CCNY: variants seen among roughly 807,000 people sequenced by gnomAD.
The protein encoded by CCNY is cyclin Y.
Under a neutral mutation model 42.8 loss-of-function variants are expected in CCNY, and 19 were observed. The ratio of observed to expected loss-of-function variants is 0.44; its 90% CI spans 0.31 to 0.65. The LOEUF is 0.65. Ranked by LOEUF, CCNY falls within the 30% of genes least tolerant of loss-of-function variation. CCNY has a pLI of 0.07. For synonymous variants in CCNY, 165 were observed against 162.7 expected, an observed-to-expected ratio of 1.01 and a Z score of -0.11; for missense variants, 370 against 437.3, an observed-to-expected ratio of 0.85 and a Z score of 1.37.
intron 7 of CCNY, among the ~76,000 whole-genome samples, chr10:35,549,722 C>G (rs991127684): frequency 6.8e-6 from 1 of 146,314 alleles, no homozygotes; most frequent in African/African-American, 2.6e-5. Context: ...TGCTTGTGAC[C>G]CTGCGCTGCT....
chr10:35,424,877 ACT>A (rs1249002839), intron 1 of CCNY, among the ~76,000 whole-genome samples: 1 of 152,192 alleles, frequency 6.6e-6, no homozygotes, highest in African/African-American at 2.4e-5. Flanking sequence ...CCTAATCCAC[ACT>A]GTCCTCCAGC....
intron 3 of CCNY, among the ~76,000 whole-genome samples, chr10:35,298,390 T>A (rs1305705090): frequency 2.0e-5 from 3 of 152,226 alleles, no homozygotes; most frequent in Non-Finnish European, 4.4e-5. Flanking sequence ...TTTTCTAGAA[T>A]TTTCTATAAA....
At chr10:35,552,656 C>G (rs765384963) in intron 7 of CCNY, among the ~76,000 whole-genome samples, 8 of 152,086 alleles carry the variant, frequency 5.3e-5, no homozygotes, top group Admixed American at 6.5e-5. Context: ...TTTAAAAAAC[C>G]CTACAAACAA....
At chr10:35,428,618 G>A (rs1838319935) in intron 1 of CCNY, among the ~76,000 whole-genome samples, 1 of 152,170 alleles carries the variant, frequency 6.6e-6, no homozygotes, top group South Asian at 2.1e-4. Context: ...GAGAGAGAGA[G>A]AGAGAATGGG....
intron 7 of CCNY, among the ~76,000 whole-genome samples, chr10:35,531,768 G>A (rs16936117): frequency 0.018 from 2,709 of 152,226 alleles, 66 homozygotes; most frequent in African/African-American, 0.052. Flanking sequence ...GAAAAATATG[G>A]CCTGGCTGTG....
chr10:35,343,364 C>T (rs1282574313), intron 1 of CCNY, among the ~76,000 whole-genome samples: 1 of 149,412 alleles, frequency 6.7e-6, no homozygotes, highest in Non-Finnish European at 1.5e-5. Context: ...TCTCACCCTC[C>T]TCTACAAAGC....
At chr10:35,268,250 A>C (rs994908673) in intron 3 of CCNY, among the ~76,000 whole-genome samples, 1 of 152,164 alleles carries the variant, frequency 6.6e-6, no homozygotes, top group African/African-American at 2.4e-5. Flanking sequence ...GCGGTGGCTC[A>C]CACCTATAAT....
chr10:35,431,907 A>G lies in CCNY; in HGVS notation c.155-51497A>G, dbSNP rs189058933. 5.3e-5 allele frequency among the ~76,000 whole-genome samples: 8 copies of G among 152,200 alleles called. No individual in the cohort carries two copies. In the East Asian group the frequency reaches 1.6e-3, roughly 30 times the overall value. On this transcript the variant is annotated intron_variant, in intron 1 of 9. Coordinates refer to ENST00000374704, the MANE Select transcript of CCNY (RefSeq NM_145012.6). ...TCCTATTGTGATCCTCTGTTTTTAC[A>G]TCTGTAAAATAAAGACATCATGGAT...
Position 35,534,999 on chromosome 10 carries a change from ATGTGTGTGTG to A in CCNY, c.579+4780_579+4789del, listed in dbSNP as rs59534409. Among the ~76,000 whole-genome samples, 828 of 133,572 alleles carry A rather than the reference ATGTGTGTGTG, an allele frequency of 6.2e-3. 6 individuals are homozygous for A. The highest frequency in any genetic ancestry group is 0.022 in the African/African-American group (784 of 35,320). 87.6% of individuals were successfully genotyped at this position (133,572 alleles called of 152,430 possible). A position where few individuals can be genotyped will look rare whatever the true frequency, so the allele number is the denominator to read the frequency against. ...CATATATATATATAGATCTATATAT[ATGTGTGTGTG>A]TGTGTGTGTGTGTGTGTGTGTGTAT... On this transcript the variant is annotated intron_variant, in intron 7 of 9. Coordinates refer to ENST00000374704, the MANE Select transcript of CCNY (RefSeq NM_145012.6).
rs148836157 is a variant in CCNY at position 35,418,020 on chromosome 10, T to C, written c.155-65384T>C. On this transcript the variant is annotated intron_variant, in intron 1 of 9. Transcript: ENST00000374704. ...CAGGCCTTTTGGAATATGTCTCCTT[T>C]AGGAAAAATCATCAGTAAAGCTTGA... 2.4e-3 allele frequency among the ~76,000 whole-genome samples: 362 copies of C among 152,338 alleles called. 1 individual carries two copies. Among genetic ancestry groups the C allele is most frequent in the Admixed American group, 4.3e-3 (66 of 15,306 alleles).
chr10:35,267,656 A>G (rs562537780), intron 3 of CCNY, among the ~76,000 whole-genome samples: 19 of 152,284 alleles, frequency 1.2e-4, no homozygotes, highest in South Asian at 6.2e-4. Context: ...CCCTCTTGTG[A>G]CAGAAAACAC....
intron 3 of CCNY, among the ~76,000 whole-genome samples, chr10:35,298,239 T>C (rs903416207): frequency 6.6e-6 from 1 of 152,170 alleles, no homozygotes; most frequent in African/African-American, 2.4e-5. Context: ...TTTTCACAAA[T>C]ATAATCTCAC....
At chr10:35,281,884 GAT>G (rs1225945819) in intron 3 of CCNY, among the ~76,000 whole-genome samples, 1 of 152,096 alleles carries the variant, frequency 6.6e-6, no homozygotes, top group Non-Finnish European at 1.5e-5. Context: ...CTGTAAATGA[GAT>G]ATGTTTTATC....
chr10:35,337,426 C>T (rs564243463), intron 1 of CCNY, among the ~76,000 whole-genome samples: 162 of 152,322 alleles, frequency 1.1e-3, no homozygotes, highest in African/African-American at 3.7e-3. Flanking sequence ...CTTTGCAGGC[C>T]CGCGGCATCG....
chr10:35,330,461 T>C (rs1835929344), intron 3 of CCNY, among the ~76,000 whole-genome samples: 1 of 152,176 alleles, frequency 6.6e-6, no homozygotes, highest in Non-Finnish European at 1.5e-5. Flanking sequence ...TCACAATACC[T>C]ATCATCTGGG....
rs76406678 is a variant in CCNY at position 35,283,417 on chromosome 10, T to A, written c.-9+32791T>A. On this transcript the variant is annotated intron_variant, in intron 3 of 11. Coordinates refer to the CCNY transcript ENST00000374706. ...GTGTAAGGACAGTTTTTTTTTTTTT[T>A]AGAGACTGAGTCTCGCTCTGTCGCC... Among the ~76,000 whole-genome samples the A allele has an allele frequency of 3.9e-5, 6 of 152,118 alleles. No individual in the cohort carries two copies. In the East Asian group the frequency reaches 7.7e-4, roughly 20 times the overall value.
At chr10:35,401,417 T>G (rs1006534791) in intron 1 of CCNY, among the ~76,000 whole-genome samples, 1 of 152,252 alleles carries the variant, frequency 6.6e-6, no homozygotes, top group African/African-American at 2.4e-5. Flanking sequence ...CGTCCAGTTC[T>G]GATTATCTGC....
chr10:35,301,349 C>T (rs1456754152), intron 3 of CCNY, among the ~76,000 whole-genome samples: 1 of 152,102 alleles, frequency 6.6e-6, no homozygotes, highest in African/African-American at 2.4e-5. Flanking sequence ...TCCATTAACA[C>T]TAGAAAGAGT....
chr10:35,333,670 T>C (rs2295416), upstream of CCNY, among the ~76,000 whole-genome samples: 225 of 152,334 alleles, frequency 1.5e-3, 1 homozygote, highest in East Asian at 0.035. Flanking sequence ...TAAAATGGGG[T>C]ATAACTTAAT....
Sources: gnomAD v4.1 joint callset for allele counts (sites outside exome capture counted in the v4.1 genomes callset) on GRCh38, gnomAD v4.1.1 for gene constraint, MANE v1.5 for transcripts, NCBI Gene and HGNC (gene_info 2026-07-23, HGNC 2026-07-21) for gene names.